Variants in SPOCK3 observed in about 807,000 individuals in gnomAD.
The protein encoded by SPOCK3 is SPARC (osteonectin), cwcv and kazal like domains proteoglycan 3.
SPOCK3 carries 30 observed loss-of-function variants against 56.6 expected under a neutral mutation model. The observed-to-expected ratio is 0.53, with a 90% CI of 0.40 to 0.72. The LOEUF (loss-of-function observed/expected upper bound fraction) is 0.72, where lower values mean the gene tolerates loss of function less well. SPOCK3 is among the 30% of genes least tolerant of loss of function. SPOCK3 has a pLI of 0.00. For synonymous variants in SPOCK3, 196 were observed against 183.3 expected (o/e 1.07, Z -0.56); for missense variants, 527 against 530.0 (o/e 0.99, Z 0.06).
intron 2 of SPOCK3, among the ~76,000 whole-genome samples, chr4:167,193,898 A>T (rs922001528): frequency 6.8e-6 from 1 of 146,960 alleles, no homozygotes; most frequent in African/African-American, 2.6e-5. Flanking sequence ...ACAAATCTAG[A>T]TGTCCATATC....
At chr4:166,955,636 ATTAAATTT>A (rs1743360553) in intron 4 of SPOCK3, among the ~76,000 whole-genome samples, 1 of 146,460 alleles carries the variant, frequency 6.8e-6, no homozygotes, top group Non-Finnish European at 1.5e-5. Flanking sequence ...ATTTAATTAT[ATTAAATTT>A]AATTATAATA....
chr4:167,185,657 G>A (rs1383621966), intron 2 of SPOCK3, among the ~76,000 whole-genome samples: 1 of 151,884 alleles, frequency 6.6e-6, no homozygotes, highest in Non-Finnish European at 1.5e-5. Flanking sequence ...TCATATCTAT[G>A]ACAAGAAACA....
At chr4:167,066,306 C>G (rs575185095) in intron 2 of SPOCK3, among the ~76,000 whole-genome samples, 12 of 151,732 alleles carry the variant, frequency 7.9e-5, no homozygotes, top group Non-Finnish European at 1.8e-4. Context: ...GTGCATTGCT[C>G]GCTATTTAGT....
At chr4:167,215,569 G>A (rs559758785) in intron 2 of SPOCK3, among the ~76,000 whole-genome samples, 36 of 152,272 alleles carry the variant, frequency 2.4e-4, no homozygotes, top group African/African-American at 7.0e-4. Context: ...AAAAAAGAAA[G>A]AGCAGTGAAT....
At chr4:166,748,790 GA>G (rs2126455578) in intron 8 of SPOCK3, among the ~76,000 whole-genome samples, 1 of 136,916 alleles carries the variant, frequency 7.3e-6, no homozygotes, top group Admixed American at 7.0e-5. Flanking sequence ...AAATTTATAA[GA>G]AAAAAATCAA....
At chr4:167,168,020 T>C (rs1730144788) in intron 2 of SPOCK3, among the ~76,000 whole-genome samples, 1 of 152,128 alleles carries the variant, frequency 6.6e-6, no homozygotes, top group Admixed American at 6.5e-5. Flanking sequence ...GGAGTTCCCC[T>C]GCACAAGCTC....
intron 6 of SPOCK3, among the ~76,000 whole-genome samples, chr4:166,847,722 T>A (rs1347829262): frequency 2.8e-5 from 4 of 140,532 alleles, no homozygotes; most frequent in African/African-American, 1.0e-4. Context: ...CAATGACAAT[T>A]TTCAGGATTA....
At chr4:167,183,720 C>T (rs183355944) in intron 2 of SPOCK3, among the ~76,000 whole-genome samples, 18 of 152,242 alleles carry the variant, frequency 1.2e-4, no homozygotes, top group Non-Finnish European at 2.1e-4. Flanking sequence ...AAAAGCTATC[C>T]TTTGAAAAAT....
At chr4:166,847,979 A>G (rs2126860449) in intron 6 of SPOCK3, among the ~76,000 whole-genome samples, 1 of 152,176 alleles carries the variant, frequency 6.6e-6, no homozygotes, top group Non-Finnish European at 1.5e-5. Context: ...AAAGCTAGAA[A>G]CCATCTGGCT....
chr4:166,779,492 CA>C (rs896673016), intron 7 of SPOCK3, among the ~76,000 whole-genome samples: 5 of 147,296 alleles, frequency 3.4e-5, no homozygotes, highest in Admixed American at 6.7e-5. Flanking sequence ...ATGACAGTAA[CA>C]AAAAAAACCT....
At chr4:166,999,411 G>T (rs191870168) in intron 4 of SPOCK3, among the ~76,000 whole-genome samples, 115 of 152,182 alleles carry the variant, frequency 7.6e-4, no homozygotes, top group African/African-American at 2.2e-3. Flanking sequence ...TCCTAGAAAT[G>T]CTATTTATGT....
chr4:166,941,945 GC>G (rs1741113036), intron 4 of SPOCK3, among the ~76,000 whole-genome samples: 1 of 152,136 alleles, frequency 6.6e-6, no homozygotes, highest in African/African-American at 2.4e-5. Flanking sequence ...ACCCAGCTAA[GC>G]TGCACTCAGA....
intron 5 of SPOCK3, 134 bp from the exon 6 acceptor site, chr4:166,889,378 A>G (rs1355090948): frequency 3.3e-6 from 2 of 603,492 alleles, no homozygotes; most frequent in African/African-American, 3.7e-5. Flanking sequence ...TACGTCTCCA[A>G]TACTAAAGTG....
At chr4:166,951,535 C>T (rs1173978737) in intron 4 of SPOCK3, among the ~76,000 whole-genome samples, 2 of 140,398 alleles carry the variant, frequency 1.4e-5, no homozygotes, top group East Asian at 2.0e-4. Flanking sequence ...CCTTCTGAAA[C>T]TATTCCAATC....
intron 3 of SPOCK3, among the ~76,000 whole-genome samples, chr4:167,029,155 T>TGA (rs1752017652): frequency 6.6e-6 from 1 of 151,986 alleles, no homozygotes; most frequent in East Asian, 1.9e-4. Context: ...CACTTATAAG[T>TGA]GAGAACATTT....
At position 166,965,487 on chromosome 4, in the gene SPOCK3, CA is replaced by C. The variant is rs1244701066; in HGVS notation, c.350+34861del. Among the ~76,000 whole-genome samples, 4 of 150,168 alleles carry C rather than the reference CA, an allele frequency of 2.7e-5. No individual in the cohort carries two copies. In the South Asian group the frequency reaches 8.4e-4, roughly 31 times the overall value. On this transcript the variant is annotated intron_variant, in intron 4 of 10. Coordinates refer to ENST00000357545, the MANE Select transcript of SPOCK3 (RefSeq NM_001040159.2). ...TGGTTTGGTATTTTTTTTCTTTTGG[CA>C]CTTTAAATGTGTCGTTCTATTATCA...
chr4:167,107,260 A>G (rs1427511711), intron 2 of SPOCK3, among the ~76,000 whole-genome samples: 1 of 151,974 alleles, frequency 6.6e-6, no homozygotes, highest in Non-Finnish European at 1.5e-5. Context: ...TCAACAAAAT[A>G]TTAGCAAGCC....
At chr4:167,045,994 T>C (rs1366923005) in intron 3 of SPOCK3, among the ~76,000 whole-genome samples, 1 of 152,226 alleles carries the variant, frequency 6.6e-6, no homozygotes, top group East Asian at 1.9e-4. Flanking sequence ...CATGTATGTC[T>C]ACTGGCAACA....
intron 3 of SPOCK3, among the ~76,000 whole-genome samples, chr4:167,061,643 A>G (rs1270045870): frequency 6.6e-6 from 1 of 151,922 alleles, no homozygotes; most frequent in Non-Finnish European, 1.5e-5. Context: ...TTTAAATAAC[A>G]TATTGTGTCT....
Sources: gnomAD v4.1 joint callset for allele counts (sites outside exome capture counted in the v4.1 genomes callset) on GRCh38, gnomAD v4.1.1 for gene constraint, MANE v1.5 for transcripts, NCBI Gene and HGNC (gene_info 2026-07-23, HGNC 2026-07-21) for gene names.